Variants in MTUS2 observed in about 807,000 individuals in gnomAD.
The protein encoded by MTUS2 is microtubule associated scaffold protein 2.
MTUS2 carries 40 observed loss-of-function variants against 114.1 expected under a neutral mutation model. The observed-to-expected ratio is 0.35, with a 90% CI of 0.27 to 0.46. The LOEUF (loss-of-function observed/expected upper bound fraction) is 0.46. Among genes scored for constraint, MTUS2 ranks in the 20% least tolerant of loss-of-function variants. The pLI, the probability that MTUS2 is intolerant of heterozygous loss-of-function variation, is 1.00. For synonymous variants in MTUS2, 688 were observed against 672.0 expected (o/e 1.02, Z -0.37); for missense variants, 1,679 against 1,705.4 (o/e 0.98, Z 0.27).
chr13:29,248,586 T>C (rs1897009483), intron 5 of MTUS2, among the ~76,000 whole-genome samples: 1 of 152,158 alleles, frequency 6.6e-6, no homozygotes, highest in South Asian at 2.1e-4. Flanking sequence ...CACCTAGGTT[T>C]TAAGCCCCAC....
chr13:29,475,105 C>T (rs1377097589), intron 9 of MTUS2, among the ~76,000 whole-genome samples: 1 of 152,170 alleles, frequency 6.6e-6, no homozygotes. Context: ...GTTCCATGTA[C>T]AGCCATGCAC....
chr13:28,911,646 C>G (rs1880438405), intron 2 of MTUS2, among the ~76,000 whole-genome samples: 1 of 152,084 alleles, frequency 6.6e-6, no homozygotes, highest in Admixed American at 6.5e-5. Context: ...TCCTTTTTCT[C>G]CACAACCTCA....
intron 6 of MTUS2, among the ~76,000 whole-genome samples, chr13:29,315,195 G>A (rs1029606773): frequency 1.3e-5 from 2 of 152,190 alleles, no homozygotes; most frequent in Admixed American, 1.3e-4. Context: ...GACAATAAGA[G>A]ATGAGTTAAT....
At chr13:28,934,498 G>A (rs1300831958) in intron 2 of MTUS2, among the ~76,000 whole-genome samples, 1 of 151,984 alleles carries the variant, frequency 6.6e-6, no homozygotes, top group Non-Finnish European at 1.5e-5. Context: ...AGAATGATAT[G>A]CTTTTTTAAA....
chr13:29,260,247 G>T (rs1324977576), intron 5 of MTUS2, among the ~76,000 whole-genome samples: 1 of 152,202 alleles, frequency 6.6e-6, no homozygotes, highest in Non-Finnish European at 1.5e-5. Context: ...GTTGAAATCA[G>T]TTGCTATTTA....
At chr13:29,352,781 T>C (rs895804184) in intron 7 of MTUS2, among the ~76,000 whole-genome samples, 4 of 152,252 alleles carry the variant, frequency 2.6e-5, no homozygotes, top group Admixed American at 6.5e-5. Context: ...TTTCACTTTT[T>C]GCCTACTATC....
chr13:28,955,358 T>C (rs74876893), intron 2 of MTUS2, among the ~76,000 whole-genome samples: 1,804 of 152,370 alleles, frequency 0.012, 16 homozygotes, highest in Admixed American at 0.026. Flanking sequence ...GCAGCTTTTG[T>C]GTGGTACAGC....
intron 8 of MTUS2, among the ~76,000 whole-genome samples, chr13:29,409,695 G>A (rs970040968): frequency 6.6e-6 from 1 of 152,012 alleles, no homozygotes; most frequent in Admixed American, 6.6e-5. Flanking sequence ...ACAAAAGATA[G>A]GATACTACAG....
chr13:28,825,587 A>G (rs1459867163), intron 1 of MTUS2, among the ~76,000 whole-genome samples: 2 of 152,110 alleles, frequency 1.3e-5, no homozygotes, highest in South Asian at 2.1e-4. Flanking sequence ...ACACACACAC[A>G]CACCCCTGGC....
At chr13:29,352,082 T>C (rs1404955528) in intron 7 of MTUS2, among the ~76,000 whole-genome samples, 3 of 152,218 alleles carry the variant, frequency 2.0e-5, no homozygotes, top group Admixed American at 6.5e-5. Flanking sequence ...CTTAGTTGCC[T>C]TCACTAGAAA....
chr13:29,302,223 G>A (rs925224748), intron 6 of MTUS2, among the ~76,000 whole-genome samples: 6 of 152,174 alleles, frequency 3.9e-5, no homozygotes, highest in African/African-American at 1.4e-4. Flanking sequence ...GAAAAGCTGG[G>A]GCTGCTGACA....
At chr13:29,227,522 G>C (rs8001430) in intron 5 of MTUS2, among the ~76,000 whole-genome samples, 119,122 of 152,158 alleles carry the variant, frequency 0.78, 46,821 homozygotes, top group East Asian at 0.89. Context: ...TTAAATCAAG[G>C]CAATCTCTTG....
chr13:29,046,586 C>T (rs1428643708), intron 4 of MTUS2, among the ~76,000 whole-genome samples: 4 of 152,174 alleles, frequency 2.6e-5, no homozygotes, highest in East Asian at 1.9e-4. Context: ...TCTTAGTTGC[C>T]TTCACTAGAA....
At chr13:29,254,135 G>C (rs940361373) in intron 5 of MTUS2, among the ~76,000 whole-genome samples, 2 of 152,226 alleles carry the variant, frequency 1.3e-5, no homozygotes, top group Non-Finnish European at 2.9e-5. Flanking sequence ...GCTGGACCAT[G>C]ATGAGGATGA....
intron 9 of MTUS2, among the ~76,000 whole-genome samples, chr13:29,455,744 G>A (rs963830653): frequency 2.0e-5 from 3 of 152,150 alleles, no homozygotes; most frequent in African/African-American, 7.2e-5. Context: ...ACTTTTGGGG[G>A]CCAAGGCAGG....
intron 2 of MTUS2, among the ~76,000 whole-genome samples, chr13:28,983,852 C>G (rs2138305538): frequency 6.6e-6 from 1 of 152,344 alleles, no homozygotes; most frequent in East Asian, 1.9e-4. Flanking sequence ...ATCACTGCTG[C>G]CAAGCACCTT....
At chr13:29,260,532 A>G (rs547366848) in intron 5 of MTUS2, among the ~76,000 whole-genome samples, 1 of 152,380 alleles carries the variant, frequency 6.6e-6, no homozygotes, top group African/African-American at 2.4e-5. Context: ...TTCACACAAA[A>G]GAATTTACAG....
chr13:29,403,417 G>C lies in MTUS2; in HGVS notation c.3118-36566G>C, dbSNP rs921283898. 4.6e-5 allele frequency among the ~76,000 whole-genome samples: 7 copies of C among 152,316 alleles called. No individual in the cohort carries two copies. The East Asian group carries it at 1.4e-3, about 29-fold the overall frequency. The stretch of plus-strand genomic sequence containing the variant: ...AGGAAACTGGGAATACTCTGTGATG[G>C]CAAATTTTGCACATTTTGATTAGGC... On this transcript the variant is annotated intron_variant, in intron 8 of 15. Transcript: ENST00000612955.
At chr13:28,909,279 G>A (rs1483861227) in intron 2 of MTUS2, among the ~76,000 whole-genome samples, 1 of 151,618 alleles carries the variant, frequency 6.6e-6, no homozygotes, top group African/African-American at 2.4e-5. Flanking sequence ...ATTACCTTGG[G>A]CAGTATGGCC....
Sources: allele counts gnomAD v4.1 joint callset (sites outside exome capture counted in the v4.1 genomes callset), GRCh38; gene constraint gnomAD v4.1.1; transcripts MANE v1.5; gene names NCBI Gene and HGNC (gene_info 2026-07-23, HGNC 2026-07-21).